The following ACOT11 variants were observed in gnomAD, a reference collection of about 807,000 sequenced individuals.
ACOT11 encodes the protein acyl-CoA thioesterase 11.
Under a neutral mutation model 77.5 loss-of-function variants are expected in ACOT11, and 69 were observed. That is an observed-to-expected ratio of 0.89 (90% confidence interval 0.73 to 1.09). The LOEUF (loss-of-function observed/expected upper bound fraction) is 1.09. ACOT11 is among the 50% of genes least tolerant of loss of function. The probability of loss-of-function intolerance (pLI) is 0.00; values close to 1 mark genes in which losing one functional copy is unlikely to be tolerated. For missense variants in ACOT11, 766 were observed against 813.7 expected (o/e 0.94, Z 0.71); for synonymous variants, 279 against 313.0 (o/e 0.89, Z 1.15).
chr1:54,597,697 T>A (rs1035864080), intron 7 of ACOT11: 23 of 461,110 alleles, frequency 5.0e-5, no homozygotes, highest in Non-Finnish European at 1.9e-5. Context: ...TATGTTCCCT[T>A]CACATCAAGC....
downstream of ACOT11, among the ~76,000 whole-genome samples, chr1:54,613,368 G>C (rs1025479462): frequency 2.6e-5 from 4 of 151,514 alleles, no homozygotes; most frequent in Non-Finnish European, 5.9e-5. Flanking sequence ...AACAGAGTGA[G>C]ACTCCATCTC....
downstream of ACOT11, chr1:54,611,779 G>A: frequency 2.5e-6 from 4 of 1,612,574 alleles, no homozygotes; most frequent in Non-Finnish European, 3.4e-6. Flanking sequence ...GTGCCTGTCT[G>A]GGCCCAGCAA....
chr1:54,593,873 C>G (rs1458412491), intron 4 of ACOT11, 68 bp from the exon 5 acceptor site: 2 of 1,340,380 alleles, frequency 1.5e-6, no homozygotes, highest in Non-Finnish European at 2.1e-6. Flanking sequence ...TCTGGTGGAG[C>G]TGCGGGGCTT....
intron 1 of ACOT11, among the ~76,000 whole-genome samples, chr1:54,552,063 C>T (rs72901621): frequency 0.039 from 6,008 of 152,206 alleles, 179 homozygotes; most frequent in South Asian, 0.13. Context: ...GTTGGATGTT[C>T]ACCCCACGGT....
intron 2 of ACOT11, 111 bp from the exon 3 acceptor site, chr1:54,585,724 T>C (rs1424245148): frequency 3.0e-6 from 3 of 1,002,846 alleles, no homozygotes; most frequent in Non-Finnish European, 4.5e-6. Flanking sequence ...GTGGTGGGAG[T>C]TGTGGCCTTG....
At position 54,610,276 on chromosome 1, in the gene ACOT11, T is replaced by C; in HGVS notation, c.*1164T>C. The C allele has an allele frequency of 6.7e-7, 1 of 1,502,948 alleles. No homozygotes were observed. The highest frequency in any genetic ancestry group is 8.8e-7 in the Non-Finnish European group (1 of 1,131,826). The allele number at this position is 1,502,948 out of a possible 1,614,324, so 93.1% of individuals were successfully genotyped here. On this transcript the variant is annotated 3_prime_UTR_variant, in exon 16 of 16. Transcript: ENST00000343744. Reference sequence around the variant, plus strand: ...TACTCCCTCTCCCTCCCCGCAACCCTGCCCCACCTTGCATCCAGGGTATGG... The same window carrying C: ...TACTCCCTCTCCCTCCCCGCAACCCCGCCCCACCTTGCATCCAGGGTATGG...
intron 1 of ACOT11, among the ~76,000 whole-genome samples, chr1:54,577,371 T>C (rs913572886): frequency 2.6e-5 from 4 of 152,230 alleles, no homozygotes; most frequent in African/African-American, 9.6e-5. Context: ...TCCGCTAATA[T>C]GGATACATAC....
At chr1:54,614,548 G>A (rs1053545397), downstream of ACOT11, 10 of 726,286 alleles carry the variant, frequency 1.4e-5, no homozygotes, top group Non-Finnish European at 2.1e-5. Context: ...AGGCATTGGA[G>A]GAAGAGGGAA....
intron 15 of ACOT11, among the ~76,000 whole-genome samples, chr1:54,608,586 C>G (rs1162631262): frequency 1.3e-5 from 2 of 152,100 alleles, no homozygotes; most frequent in South Asian, 4.1e-4. Flanking sequence ...AACCCATGAG[C>G]GCCTCAGAAC....
Position 54,601,421 on chromosome 1 carries a change from G to T in ACOT11, c.1029+8G>T. The T allele has an allele frequency of 6.2e-7, 1 of 1,609,838 alleles. No individual in the cohort carries two copies. Among genetic ancestry groups the T allele is most frequent in the Non-Finnish European group, 8.5e-7 (1 of 1,179,280 alleles). The stretch of plus-strand genomic sequence containing the variant: ...ATTCGGCCCCAGCCCGGCGTAAGTG[G>T]GACCAGCGCCCTGCCCCACCAGCAG... On this transcript the variant is annotated splice_region_variant and intron_variant, in intron 9 of 15. Coordinates refer to ENST00000343744, the MANE Select transcript of ACOT11 (RefSeq NM_147161.4).
Position 54,627,616 on chromosome 1 carries a change from A to G in ACOT11, c.1630-3118A>G, listed in dbSNP as rs1263708401. On this transcript the variant is annotated intron_variant, in intron 15 of 16. Transcript: ENST00000371316. ...CAGATGTGAAACAGCCATTTTATTA[A>G]TAGAGCTGGTGCACATCAAAAACAC... 1.5e-5 allele frequency among the ~76,000 whole-genome samples: 2 copies of G among 135,080 alleles called. 1 individual carries two copies. The highest frequency in any genetic ancestry group is 4.6e-4 in the East Asian group (2 of 4,348). 88.6% of individuals were successfully genotyped at this position (135,080 alleles called of 152,430 possible). A position where few individuals can be genotyped will look rare whatever the true frequency, so the allele number is the denominator to read the frequency against.
chr1:54,548,365 G>A (rs1197574619), intron 1 of ACOT11, 23 bp downstream of exon 1: 1 of 1,597,778 alleles, frequency 6.3e-7, no homozygotes, highest in East Asian at 2.3e-5. Context: ...GGCTGGGGCA[G>A]CGGGAGGGCT....
rs182998428 is a variant in ACOT11 at position 54,607,810 on chromosome 1, G to C, written c.1503-132G>C. The C allele has an allele frequency of 5.5e-4, 674 of 1,235,584 alleles. 1 individual carries two copies. The African/African-American group carries it at 7.9e-3, about 15-fold the overall frequency. The allele number at this position is 1,235,584 out of a possible 1,614,324, so 76.5% of individuals were successfully genotyped here. ...GCCCCGCATTGGGGCTTTAAGAGTC[G>C]ATGTGCCTTGCATCCCCCTGGTGAG... is the stretch of plus-strand genomic sequence containing the variant. On this transcript the variant is annotated intron_variant, in intron 14 of 15. Coordinates refer to ENST00000343744, the MANE Select transcript of ACOT11 (RefSeq NM_147161.4). This position sits in a 1 kb window ranked among gnomAD's most constrained non-coding sequence, Gnocchi z 4.5.
At chr1:54,557,219 C>T (rs1478618324) in intron 1 of ACOT11, among the ~76,000 whole-genome samples, 1 of 151,626 alleles carries the variant, frequency 6.6e-6, no homozygotes, top group Non-Finnish European at 1.5e-5. Flanking sequence ...TGGTGAAATC[C>T]CATCTCTACT....
intron 15 of ACOT11, among the ~76,000 whole-genome samples, chr1:54,617,927 A>T (rs922498892): frequency 2.7e-5 from 4 of 150,700 alleles, no homozygotes; most frequent in African/African-American, 9.8e-5. Flanking sequence ...CGGTTTCACC[A>T]TATCAGTCAG....
intron 15 of ACOT11, chr1:54,616,243 C>A: frequency 7.4e-7 from 1 of 1,343,830 alleles, no homozygotes. Context: ...ATCATAAAAG[C>A]ATTACAAATT....
At chr1:54,603,634 G>A (rs531523786) in intron 10 of ACOT11, among the ~76,000 whole-genome samples, 2 of 152,226 alleles carry the variant, frequency 1.3e-5, no homozygotes, top group South Asian at 2.1e-4. Flanking sequence ...AGCCTTAGAC[G>A]CCATACCCTT....
chr1:54,577,471 T>C (rs1654154950), intron 1 of ACOT11, among the ~76,000 whole-genome samples: 1 of 151,994 alleles, frequency 6.6e-6, no homozygotes, highest in African/African-American at 2.4e-5. Flanking sequence ...ACTTCATTTA[T>C]GTTTATGTCT....
At chr1:54,610,492 G>C, downstream of ACOT11, 1 of 1,502,358 alleles carries the variant, frequency 6.7e-7, no homozygotes, top group Admixed American at 1.7e-5. Flanking sequence ...GTCATCCCCA[G>C]GCAGCTGGAG....
Sources: gnomAD v4.1 joint callset for allele counts (sites outside exome capture counted in the v4.1 genomes callset) on GRCh38, gnomAD v4.1.1 for gene constraint, Gnocchi (gnomAD v3.1) non-coding constraint, MANE v1.5 for transcripts, NCBI Gene and HGNC (gene_info 2026-07-23, HGNC 2026-07-21) for gene names.